The following SLC2A14 variants were observed in gnomAD, a reference collection of about 807,000 sequenced individuals.
SLC2A14 encodes solute carrier family 2 member 14.
Under a neutral mutation model 43.0 loss-of-function variants are expected in SLC2A14, and 13 were observed. That is an observed-to-expected ratio of 0.30 (90% CI 0.20 to 0.48). The LOEUF (loss-of-function observed/expected upper bound fraction) is 0.48, where lower values mean the gene tolerates loss of function less well. Ranked by LOEUF, SLC2A14 falls within the 20% of genes least tolerant of loss-of-function variation. SLC2A14 has a pLI of 0.99. For missense variants in SLC2A14, 428 were observed against 620.4 expected, an observed-to-expected ratio of 0.69 and a Z score of 3.29; for synonymous variants, 190 against 233.8, an observed-to-expected ratio of 0.81 and a Z score of 1.71.
At position 7,885,090 on chromosome 12, in the gene SLC2A14, C is replaced by T. The variant is rs981976587; in HGVS notation, c.132+5906G>A. Among the ~76,000 whole-genome samples, 2 of 152,198 alleles carry T rather than the reference C, an allele frequency of 1.3e-5. 1 individual carries two copies. On this transcript the variant is annotated intron_variant, in intron 1 of 9. Transcript: ENST00000539924. ...TAATTCAGTCCTTGAATATTAAAAG[C>T]CTTTAGTTAGAGTACAATCTGACAA...
At chr12:7,873,618 T>TAACA (rs1372553834), upstream of SLC2A14, 2 of 151,996 alleles carry the variant, frequency 1.3e-5, no homozygotes, top group Non-Finnish European at 2.9e-5. Flanking sequence ...CCAGCCTGGG[T>TAACA]AACAGCTCAA....
intron 6 of SLC2A14, 114 bp downstream of exon 6, chr12:7,828,590 A>T: frequency 8.7e-7 from 1 of 1,145,480 alleles, no homozygotes; most frequent in Non-Finnish European, 1.2e-6. Context: ...AACCATCTTC[A>T]CTTGGATTCT....
At chr12:7,877,824 C>T (rs933705020), upstream of SLC2A14, among the ~76,000 whole-genome samples, 1 of 152,104 alleles carries the variant, frequency 6.6e-6, no homozygotes, top group African/African-American at 2.4e-5. Context: ...TTCACTACAA[C>T]CTCCACCTCC....
At chr12:7,871,710 A>T (rs1945244943) in intron 1 of SLC2A14, among the ~76,000 whole-genome samples, 1 of 152,082 alleles carries the variant, frequency 6.6e-6, no homozygotes, top group African/African-American at 2.4e-5. Context: ...CCAAGGAGGA[A>T]GGGAACCTGT....
At chr12:7,882,111 G>A (rs759613159) in intron 1 of SLC2A14, among the ~76,000 whole-genome samples, 3 of 151,922 alleles carry the variant, frequency 2.0e-5, no homozygotes, top group Non-Finnish European at 2.9e-5. Context: ...TTTTTTCTTT[G>A]CAATAAGTCT....
intron 10 of SLC2A14, among the ~76,000 whole-genome samples, chr12:7,816,089 A>AT (rs1235925431): frequency 3.0e-5 from 3 of 101,074 alleles, no homozygotes; most frequent in African/African-American, 9.6e-5. Context: ...TTTATTTTTT[A>AT]TTTTTTTTAT....
intron 9 of SLC2A14, 110 bp downstream of exon 9, chr12:7,819,372 T>G: frequency 6.5e-7 from 1 of 1,534,762 alleles, no homozygotes; most frequent in Non-Finnish European, 8.8e-7. Context: ...TTCTCTCCTC[T>G]GACTTTATTG....
intron 7 of SLC2A14, among the ~76,000 whole-genome samples, chr12:7,824,967 T>G (rs966495807): frequency 5.9e-5 from 9 of 151,818 alleles, no homozygotes; most frequent in African/African-American, 1.9e-4. Flanking sequence ...AGTGCTGGGA[T>G]TAGAGGCATG....
intron 2 of SLC2A14, among the ~76,000 whole-genome samples, chr12:7,833,678 G>T (rs1183248302): frequency 6.6e-6 from 1 of 151,962 alleles, no homozygotes; most frequent in East Asian, 1.9e-4. Flanking sequence ...CTACTAGGAG[G>T]GGCTGAAGCA....
At chr12:7,884,353 ACT>A (rs1945653177) in intron 1 of SLC2A14, among the ~76,000 whole-genome samples, 1 of 151,876 alleles carries the variant, frequency 6.6e-6, no homozygotes. Context: ...TAACTGAAAT[ACT>A]CTGATGTCCT....
rs762231658 is a variant in SLC2A14, at chr12:7,814,347, T to G, written c.1463A>C (p.Glu488Ala). The change falls in exon 11 of 11, where the codon GAG (glutamate) becomes GCG (alanine). Residue 488 changes from glutamate (E) to alanine (A), a missense_variant. Physicochemically the swap from Glu to Ala is moderately radical, Grantham distance 107. Transcript: ENST00000431042. ...KDGVMGMNSI[E>A]PAKETTTNV ...ATTGGTGGTGGTCTCCTTAGCAGGC[T>G]CGATGCTGTTCATCCCCATGACGCC... 6.2e-7 allele frequency: 1 copy of G among 1,609,554 alleles called. No homozygotes were observed. The highest frequency in any genetic ancestry group is 8.5e-7 in the Non-Finnish European group (1 of 1,178,158).
chr12:7,863,700 C>T (rs1027242141), intron 2 of SLC2A14, among the ~76,000 whole-genome samples: 1 of 152,100 alleles, frequency 6.6e-6, no homozygotes, highest in Non-Finnish European at 1.5e-5. Context: ...GACAAACATA[C>T]TGTTTATGGA....
At position 7,813,811 on chromosome 12, in the gene SLC2A14, A is replaced by C. The variant is rs1482171800; in HGVS notation, c.*505T>G. Reference sequence around the variant, plus strand: ...TGGCAAAATTACACTTAAAAAATAAATATTTATGTAATTAAACCAGAGGAT... The same window carrying C: ...TGGCAAAATTACACTTAAAAAATAACTATTTATGTAATTAAACCAGAGGAT... On this transcript the variant is annotated 3_prime_UTR_variant, in exon 11 of 11. Coordinates refer to ENST00000431042, the MANE Select transcript of SLC2A14 (RefSeq NM_001286234.2). 1 of 156,186 alleles carries C rather than the reference A, an allele frequency of 6.4e-6. No homozygotes were observed. The highest frequency in any genetic ancestry group is 1.4e-5 in the Non-Finnish European group (1 of 70,062). The allele number at this position is 156,186 out of a possible 1,614,324, so 9.7% of individuals were successfully genotyped here. A position where few individuals can be genotyped will look rare whatever the true frequency, so the allele number is the denominator to read the frequency against.
intron 1 of SLC2A14, among the ~76,000 whole-genome samples, chr12:7,882,050 C>T (rs66755761): frequency 0.098 from 14,877 of 152,006 alleles, 813 homozygotes; most frequent in East Asian, 0.17. Context: ...CTGCCCGGGC[C>T]AGCAGTGGTA....
rs1863443173 is a variant in SLC2A14 at position 7,816,229 on chromosome 12, C to T, written c.1275+1602G>A. Among the ~76,000 whole-genome samples the T allele has an allele frequency of 2.8e-5, 3 of 108,862 alleles. 1 individual carries two copies. Among genetic ancestry groups the T allele is most frequent in the Non-Finnish European group, 5.6e-5 (3 of 53,706 alleles). The allele number at this position is 108,862 out of a possible 152,430, so 71.4% of individuals were successfully genotyped here. A position where few individuals can be genotyped will look rare whatever the true frequency, so the allele number is the denominator to read the frequency against. On this transcript the variant is annotated intron_variant, in intron 10 of 10. Transcript: ENST00000431042. ...ACGCCATTCTCCTGCCTCAGCCTCC[C>T]GAGTAGCTGGGACTACAGGCGCCCG...
intron 2 of SLC2A14, chr12:7,860,304 T>C (rs946239488): frequency 6.6e-6 from 1 of 151,998 alleles, no homozygotes; most frequent in African/African-American, 2.4e-5. Context: ...AGGCAGAAGA[T>C]AAAAGGAAAG....
chr12:7,815,884 TTTTTTTTG>T (rs1483161642), intron 10 of SLC2A14, among the ~76,000 whole-genome samples: 5 of 147,180 alleles, frequency 3.4e-5, no homozygotes, highest in African/African-American at 1.3e-4. Context: ...CCAGTTTTGT[TTTTTTTTG>T]TTTTTTTGTT....
intron 2 of SLC2A14, among the ~76,000 whole-genome samples, chr12:7,846,418 A>AG (rs1866470809): frequency 6.6e-6 from 1 of 151,522 alleles, no homozygotes; most frequent in Admixed American, 6.6e-5. Context: ...AAAAAAAAAA[A>AG]CTTTATCCTT....
intron 2 of SLC2A14, among the ~76,000 whole-genome samples, chr12:7,844,719 TAA>T (rs140077858): frequency 0.09 from 13,687 of 151,808 alleles, 661 homozygotes; most frequent in African/African-American, 0.13. Flanking sequence ...ACATTTTTAG[TAA>T]AGAGGGGTTT....
Sources: allele counts gnomAD v4.1 joint callset (sites outside exome capture counted in the v4.1 genomes callset), GRCh38; gene constraint gnomAD v4.1.1; transcripts MANE v1.5; gene names NCBI Gene and HGNC (gene_info 2026-07-23, HGNC 2026-07-21).